The following CCDC158 variants were observed in gnomAD, a reference collection of about 807,000 sequenced individuals.
The protein encoded by CCDC158 is coiled-coil domain-containing protein 158.
CCDC158 carries 116 observed loss-of-function variants against 138.6 expected under a neutral mutation model. That is an observed-to-expected ratio of 0.84 (90% CI 0.72 to 0.98). The LOEUF is 0.98. Among genes scored for constraint, CCDC158 ranks in the 50% least tolerant of loss-of-function variants. The probability of loss-of-function intolerance (pLI) is 0.00; values close to 1 mark genes in which losing one functional copy is unlikely to be tolerated. For missense variants in CCDC158, 1,265 were observed against 1,306.1 expected, an observed-to-expected ratio of 0.97 and a Z score of 0.48; for synonymous variants, 436 against 442.4, an observed-to-expected ratio of 0.99 and a Z score of 0.18.
chr4:76,319,695 T>A (rs566044712), intron 24 of CCDC158, among the ~76,000 whole-genome samples: 1 of 151,202 alleles, frequency 6.6e-6, no homozygotes, highest in East Asian at 1.9e-4. Flanking sequence ...AATAATCATA[T>A]CATCATCTCA....
chr4:76,334,282 C>CA (rs1467329695), intron 18 of CCDC158, 115 bp from the exon 19 acceptor site: 34 of 927,834 alleles, frequency 3.7e-5, no homozygotes, highest in Non-Finnish European at 2.9e-5. Context: ...AAGAGGAAAA[C>CA]AAAAAAATCA....
chr4:76,384,950 T>G (rs1394957163), intron 4 of CCDC158, among the ~76,000 whole-genome samples: 2 of 152,190 alleles, frequency 1.3e-5, no homozygotes, highest in Non-Finnish European at 2.9e-5. Flanking sequence ...TAGAAATACA[T>G]TTTTTACATG....
intron 3 of CCDC158, among the ~76,000 whole-genome samples, chr4:76,397,334 A>C (rs1334987531): frequency 6.6e-6 from 1 of 152,194 alleles, no homozygotes; most frequent in African/African-American, 2.4e-5. Flanking sequence ...TATTTAGAGC[A>C]CACAGTTTAC....
intron 18 of CCDC158, among the ~76,000 whole-genome samples, chr4:76,334,966 T>G (rs574036329): frequency 6.5e-4 from 99 of 152,262 alleles, no homozygotes; most frequent in African/African-American, 2.2e-3. Flanking sequence ...ATAATATAAT[T>G]CTCATATTCT....
chr4:76,382,545 A>G (rs1726364682), intron 8 of CCDC158, 65 bp downstream of exon 8: 1 of 1,008,302 alleles, frequency 9.9e-7, no homozygotes, highest in Non-Finnish European at 1.5e-6. Flanking sequence ...ATTATAGAAC[A>G]GAAAGTTAAT....
intron 9 of CCDC158, among the ~76,000 whole-genome samples, chr4:76,374,327 A>C (rs962308241): frequency 1.3e-5 from 2 of 152,244 alleles, no homozygotes; most frequent in Non-Finnish European, 2.9e-5. Flanking sequence ...GGAAAGACTA[A>C]ATCAGTACAC....
chr4:76,385,798 A>C (rs1468620430), intron 4 of CCDC158, among the ~76,000 whole-genome samples: 1 of 152,228 alleles, frequency 6.6e-6, no homozygotes, highest in Non-Finnish European at 1.5e-5. Flanking sequence ...AATGAAAAAA[A>C]ACAAAAATTC....
At chr4:76,344,594 G>C in intron 18 of CCDC158, 1 of 1,310,980 alleles carries the variant, frequency 7.6e-7, no homozygotes, top group Non-Finnish European at 1.1e-6. Context: ...CCTCGCTTCA[G>C]GTTGACATAC....
At chr4:76,380,482 T>C (rs983847375) in intron 8 of CCDC158, among the ~76,000 whole-genome samples, 4 of 152,164 alleles carry the variant, frequency 2.6e-5, no homozygotes, top group Non-Finnish European at 5.9e-5. Flanking sequence ...ATTCAGGGTG[T>C]CGGGCAGAAG....
intron 14 of CCDC158, 90 bp downstream of exon 14, chr4:76,357,284 G>A: frequency 1.3e-6 from 1 of 780,736 alleles, no homozygotes; most frequent in Non-Finnish European, 1.9e-6. Context: ...GTGAAGAGGT[G>A]GTAGGTAACG....
chr4:76,365,463 A>T (rs1001839069), intron 12 of CCDC158, among the ~76,000 whole-genome samples: 1 of 152,198 alleles, frequency 6.6e-6, no homozygotes, highest in African/African-American at 2.4e-5. Flanking sequence ...CCACTTCTGC[A>T]TACTGATGCC....
chr4:76,345,134 C>T (rs1462156873), intron 18 of CCDC158: 1 of 1,109,554 alleles, frequency 9.0e-7, no homozygotes. Context: ...GCTTACATTG[C>T]CTGGCTTTAG....
At chr4:76,414,681 A>G (rs1475696990) in intron 1 of CCDC158, among the ~76,000 whole-genome samples, 7 of 152,184 alleles carry the variant, frequency 4.6e-5, no homozygotes, top group Non-Finnish European at 4.4e-5. Flanking sequence ...GTGATAGTGA[A>G]TAAGTTTTAT....
upstream of CCDC158, among the ~76,000 whole-genome samples, chr4:76,421,575 C>T (rs1019908125): frequency 1.3e-5 from 2 of 152,076 alleles, no homozygotes; most frequent in African/African-American, 4.8e-5. Flanking sequence ...AGATAACTCA[C>T]TGACCCGCAC....
At chr4:76,377,233 A>C (rs897666376) in intron 9 of CCDC158, among the ~76,000 whole-genome samples, 2 of 152,248 alleles carry the variant, frequency 1.3e-5, no homozygotes, top group African/African-American at 4.8e-5. Flanking sequence ...ACAACAGTAT[A>C]ATGGAAAGCT....
intron 8 of CCDC158, among the ~76,000 whole-genome samples, chr4:76,381,956 T>C (rs144961091): frequency 0.029 from 4,488 of 152,254 alleles, 221 homozygotes; most frequent in African/African-American, 0.1. Context: ...GCTGGGAATA[T>C]AGGCGTAAGC....
At chr4:76,384,045 C>A (rs1157732069) in intron 6 of CCDC158, 43 bp downstream of exon 6, 2 of 1,295,802 alleles carry the variant, frequency 1.5e-6, no homozygotes, top group Non-Finnish European at 2.1e-6. Flanking sequence ...TCTCTTAATG[C>A]ATTTTAATAT....
rs150417613 is a variant in CCDC158, at chr4:76,413,134, G to A, written c.-116-1002C>T. ...TCTATATATTGTAAGCAGGTATACCGAAATGATAAACCACCAAGATTTTTG... is the reference window on the plus strand; with the variant it reads ...TCTATATATTGTAAGCAGGTATACCAAAATGATAAACCACCAAGATTTTTG... On this transcript the variant is annotated intron_variant, in intron 1 of 24. Coordinates refer to ENST00000682701, the MANE Select transcript of CCDC158 (RefSeq NM_001394954.1). Among the ~76,000 whole-genome samples, 874 of 151,538 alleles carry A rather than the reference G, an allele frequency of 5.8e-3. 6 individuals are homozygous for A. Among genetic ancestry groups the A allele is most frequent in the Middle Eastern group, 0.041 (12 of 292 alleles).
At chr4:76,347,880 A>T (rs1463539821) in intron 18 of CCDC158, among the ~76,000 whole-genome samples, 1 of 152,180 alleles carries the variant, frequency 6.6e-6, no homozygotes, top group Non-Finnish European at 1.5e-5. Flanking sequence ...GATTCAAATC[A>T]TATAATTATC....
Sources: gnomAD v4.1 joint callset for allele counts (sites outside exome capture counted in the v4.1 genomes callset) on GRCh38, gnomAD v4.1.1 for gene constraint, MANE v1.5 for transcripts, NCBI Gene and HGNC (gene_info 2026-07-23, HGNC 2026-07-21) for gene names.